ZFP30: variants seen among roughly 807,000 people sequenced by gnomAD.
ZFP30 encodes the protein zinc finger protein 30 homolog.
Under a neutral mutation model 12.3 loss-of-function variants are expected in ZFP30, and 16 were observed. The ratio of observed to expected loss-of-function variants is 1.30; its 90% confidence interval spans 0.88 to 1.98. The LOEUF is 1.98. ZFP30 is among the 30% of genes most tolerant of loss of function. The pLI is 0.00. For synonymous variants in ZFP30, 172 were observed against 201.0 expected (o/e 0.86, Z 1.22); for missense variants, 560 against 611.2 (o/e 0.92, Z 0.88).
chr19:37,654,978 A>G (rs1205074161), intron 1 of ZFP30, 99 bp from the exon 2 acceptor site: 1 of 152,198 alleles, frequency 6.6e-6, no homozygotes, highest in Non-Finnish European at 1.5e-5. Context: ...CCGGTTGCCC[A>G]CGCCCGGGAC....
At chr19:37,637,020 C>T (rs938630243) in intron 5 of ZFP30, among the ~76,000 whole-genome samples, 6 of 151,826 alleles carry the variant, frequency 4.0e-5, no homozygotes, top group African/African-American at 9.7e-5. Context: ...CCAATCTTTC[C>T]ACTTTTTGGA....
intron 5 of ZFP30, among the ~76,000 whole-genome samples, chr19:37,639,874 C>T (rs1461402846): frequency 6.6e-6 from 1 of 151,908 alleles, no homozygotes; most frequent in Non-Finnish European, 1.5e-5. Context: ...AAGTGACAAG[C>T]CAGATCAAGA....
intron 3 of ZFP30, among the ~76,000 whole-genome samples, chr19:37,647,014 T>C (rs1156425826): frequency 6.6e-6 from 1 of 152,226 alleles, no homozygotes. Flanking sequence ...CTTTTTTTAA[T>C]GTGACTACTA....
In ZFP30 at chr19:37,632,914, G is replaced by GT. The variant is rs2044255900; in HGVS notation, c.*2066dup. Reference sequence around the variant, plus strand: ...GAGTCGGGCATGGTGGCTCACGCCTGTAATCCCAGCACCTTGGGAGGCCAA... The same window carrying GT: ...GAGTCGGGCATGGTGGCTCACGCCTGTTAATCCCAGCACCTTGGGAGGCCAA... On this transcript the variant is annotated 3_prime_UTR_variant, in exon 6 of 6. Transcript: ENST00000684514. The GT allele has an allele frequency of 6.6e-6, 1 of 152,298 alleles. No homozygotes were observed. The highest frequency in any genetic ancestry group is 6.5e-5 in the Admixed American group (1 of 15,284). 9.4% of individuals were successfully genotyped at this position (152,298 alleles called of 1,614,324 possible).
At chr19:37,637,486 GC>G (rs978674971) in intron 5 of ZFP30, among the ~76,000 whole-genome samples, 30 of 151,584 alleles carry the variant, frequency 2.0e-4, no homozygotes, top group African/African-American at 7.3e-4. Context: ...ACCGCGCCCA[GC>G]CTACTTCTTT....
chr19:37,635,977 A>G lies in ZFP30; in HGVS notation c.564T>C (p.Cys188=), dbSNP rs1449361934. The G allele has an allele frequency of 4.3e-6, 7 of 1,614,088 alleles. No homozygotes were observed. The highest frequency in any genetic ancestry group is 5.1e-6 in the Non-Finnish European group (6 of 1,180,032). Residue 188 remains cysteine (C), a synonymous_variant, in exon 6 of 6, where the codon TGT becomes TGC. Coordinates refer to ENST00000684514, the MANE Select transcript of ZFP30 (RefSeq NM_001320669.3). Reference sequence around the variant, plus strand: ...GTCTAAAGGCTTTTCCACATTCTTTACATTCATAGGGTTTCTCACCAGTAT... The same window carrying G: ...GTCTAAAGGCTTTTCCACATTCTTTGCATTCATAGGGTTTCTCACCAGTAT... ...RIHTGEKPYE[C]KECGKAFRQC...
rs1228175386 is a variant in ZFP30 at position 37,635,660 on chromosome 19, G to T, written c.881C>A (p.Ala294Asp). 1.9e-6 allele frequency: 3 copies of T among 1,613,704 alleles called. No individual in the cohort carries two copies. In the Admixed American group the frequency reaches 5.0e-5, roughly 27 times the overall value. ...HLTRHQRLNI[A>D]EKCYECKECG... is the part of the protein sequence containing the mutation. ...TTCCTTACACTCATAGCACTTCTCA[G>T]CAATGTTCAGTCTCTGATGTCGAGT... The change falls in exon 6 of 6, where the codon GCT becomes GAT. Residue 294 changes from alanine (A) to aspartate (D), a missense_variant. By Grantham distance (126) the Ala-to-Asp change is moderately radical. Coordinates refer to ENST00000684514, the MANE Select transcript of ZFP30 (RefSeq NM_001320669.3).
chr19:37,653,118 CAA>C (rs372066359), intron 2 of ZFP30, among the ~76,000 whole-genome samples: 17 of 48,634 alleles, frequency 3.5e-4, no homozygotes, highest in Admixed American at 8.9e-4. Context: ...AACTCCGTCT[CAA>C]AAAAAAAAAA....
Position 37,655,403 on chromosome 19 carries a change from C to T in ZFP30, c.-246+17G>A, listed in dbSNP as rs907047171. On this transcript the variant is annotated intron_variant, in intron 1 of 5. Transcript: ENST00000684514. ...GCAGCGGCCACAGTGGCGCCCGGCT[C>T]CCAGCCCCAGCCTCACCCGACTCAG... The T allele has an allele frequency of 6.6e-6, 1 of 152,578 alleles. No individual in the cohort carries two copies. The highest frequency in any genetic ancestry group is 2.4e-5 in the African/African-American group (1 of 41,482). 9.5% of individuals were successfully genotyped at this position (152,578 alleles called of 1,614,324 possible). A position where few individuals can be genotyped will look rare whatever the true frequency, so the allele number is the denominator to read the frequency against.
upstream of ZFP30, chr19:37,655,514 C>G (rs1458642527): frequency 3.3e-5 from 5 of 150,608 alleles, no homozygotes; most frequent in African/African-American, 4.9e-5. Context: ...CGCGGGGGGG[C>G]GGAGGCAAGT....
chr19:37,634,979 TA>T lies in ZFP30; in HGVS notation c.*1del. The T allele has an allele frequency of 6.5e-7, 1 of 1,534,098 alleles. No homozygotes were observed. Among genetic ancestry groups the T allele is most frequent in the South Asian group, 1.3e-5 (1 of 76,656 alleles). ...TTCGCAAAGGAAGAGTTCTAATAAT[TA>T]TTAAGTTACATTATGAATTCGCTGA... On this transcript the variant is annotated 3_prime_UTR_variant, in exon 6 of 6. Transcript: ENST00000684514.
At chr19:37,643,392 A>G in intron 4 of ZFP30, 29 bp from the exon 5 acceptor site, 1 of 1,456,596 alleles carries the variant, frequency 6.9e-7, no homozygotes, top group South Asian at 1.5e-5. Flanking sequence ...AATATAATAA[A>G]GAATTTATTT....
Position 37,638,648 on chromosome 19 carries a change from C to A in ZFP30, c.236-2343G>T, listed in dbSNP as rs73621518. ...ATTAATACATCGCAATACTATACAA[C>A]AACAAGAATTAACAAACTACAACTA... On this transcript the variant is annotated intron_variant, in intron 5 of 5. Coordinates refer to ENST00000684514, the MANE Select transcript of ZFP30 (RefSeq NM_001320669.3). Among the ~76,000 whole-genome samples the A allele has an allele frequency of 6.0e-3, 907 of 152,274 alleles. 10 individuals are homozygous for A. The highest frequency in any genetic ancestry group is 0.021 in the African/African-American group (857 of 41,564).
chr19:37,642,940 CT>C (rs2044464393), intron 5 of ZFP30, among the ~76,000 whole-genome samples: 1 of 151,172 alleles, frequency 6.6e-6, no homozygotes, highest in Non-Finnish European at 1.5e-5. Flanking sequence ...GTGGTCCCAG[CT>C]ACTGGGGAGG....
rs2147250743 is a variant in ZFP30, at chr19:37,634,130, G to A, written c.*851C>T. The A allele has an allele frequency of 6.6e-6, 1 of 152,208 alleles. No individual in the cohort carries two copies. The highest frequency in any genetic ancestry group is 2.4e-5 in the African/African-American group (1 of 41,544). The allele number at this position is 152,208 out of a possible 1,614,324, so 9.4% of individuals were successfully genotyped here. A position where few individuals can be genotyped will look rare whatever the true frequency, so the allele number is the denominator to read the frequency against. On this transcript the variant is annotated 3_prime_UTR_variant, in exon 6 of 6. Coordinates refer to ENST00000684514, the MANE Select transcript of ZFP30 (RefSeq NM_001320669.3). ...GGAGTTCCACCTTATTTCTTAAAAT[G>A]CCATTTTATTGGTTGGGAAACCAGG...
intron 5 of ZFP30, among the ~76,000 whole-genome samples, chr19:37,641,098 A>G (rs948875577): frequency 6.6e-6 from 1 of 152,226 alleles, no homozygotes; most frequent in Non-Finnish European, 1.5e-5. Flanking sequence ...TGAAAGAAAA[A>G]TATGTATTCT....
intron 2 of ZFP30, among the ~76,000 whole-genome samples, chr19:37,651,741 T>C (rs2044655640): frequency 1.3e-5 from 2 of 152,200 alleles, no homozygotes; most frequent in African/African-American, 2.4e-5. Context: ...AGGTGAAAAG[T>C]TGATCAAGTC....
intron 3 of ZFP30, among the ~76,000 whole-genome samples, chr19:37,645,029 C>A (rs1269513457): frequency 3.3e-5 from 5 of 151,994 alleles, no homozygotes; most frequent in African/African-American, 4.8e-5. Context: ...CATAGTGAAA[C>A]CCCGTCTCTA....
chr19:37,644,119 T>C (rs761294776), intron 4 of ZFP30, among the ~76,000 whole-genome samples: 7 of 152,216 alleles, frequency 4.6e-5, no homozygotes, highest in Non-Finnish European at 7.3e-5. Context: ...CCAGCTGTCA[T>C]TAAAGACCGG....
Sources: allele counts gnomAD v4.1 joint callset (sites outside exome capture counted in the v4.1 genomes callset), GRCh38; gene constraint gnomAD v4.1.1; transcripts MANE v1.5; gene names NCBI Gene and HGNC (gene_info 2026-07-23, HGNC 2026-07-21).